The following PTPRQ variants were observed in gnomAD, a reference collection of about 807,000 sequenced individuals.
PTPRQ encodes protein tyrosine phosphatase receptor type Q.
A neutral mutation model predicts 246.0 loss-of-function variants in PTPRQ; 199 were observed. That is an observed-to-expected ratio of 0.81 (90% CI 0.72 to 0.91). The LOEUF (loss-of-function observed/expected upper bound fraction) is 0.91, where lower values mean the gene tolerates loss of function less well. Among genes scored for constraint, PTPRQ ranks in the 40% least tolerant of loss-of-function variants. PTPRQ has a pLI of 0.00. For synonymous variants in PTPRQ, 869 were observed against 853.2 expected, an observed-to-expected ratio of 1.02 and a Z score of -0.32; for missense variants, 2,624 against 2,528.4, an observed-to-expected ratio of 1.04 and a Z score of -0.81.
intron 17 of PTPRQ, among the ~76,000 whole-genome samples, chr12:80,527,923 A>G (rs889093641): frequency 6.6e-6 from 1 of 152,114 alleles, no homozygotes; most frequent in Non-Finnish European, 1.5e-5. Flanking sequence ...GTGAGACCCC[A>G]TCTCTAGAAA....
intron 17 of PTPRQ, among the ~76,000 whole-genome samples, chr12:80,514,317 G>C (rs1055362355): frequency 2.7e-5 from 4 of 147,498 alleles, no homozygotes; most frequent in Non-Finnish European, 5.9e-5. Flanking sequence ...ATTGACTCTT[G>C]ATGTGTAAAT....
At chr12:80,623,850 G>A (rs1247837291) in intron 33 of PTPRQ, among the ~76,000 whole-genome samples, 2 of 152,054 alleles carry the variant, frequency 1.3e-5, no homozygotes, top group Admixed American at 6.6e-5. Flanking sequence ...ATAAAAGGGG[G>A]GGAGCGCCAA....
At chr12:80,665,889 T>C (rs912078771) in intron 39 of PTPRQ, among the ~76,000 whole-genome samples, 2 of 151,818 alleles carry the variant, frequency 1.3e-5, no homozygotes, top group Non-Finnish European at 2.9e-5. Context: ...AAAACCACAA[T>C]GAAACACCAT....
chr12:80,459,028 T>A (rs1005219499), intron 4 of PTPRQ, among the ~76,000 whole-genome samples: 1 of 152,132 alleles, frequency 6.6e-6, no homozygotes, highest in South Asian at 2.1e-4. Flanking sequence ...AACTATTGAT[T>A]GAATTTTTTT....
intron 7 of PTPRQ, among the ~76,000 whole-genome samples, chr12:80,471,366 C>G (rs895798270): frequency 2.3e-4 from 35 of 149,864 alleles, no homozygotes; most frequent in Non-Finnish European, 1.6e-4. Context: ...AAAGCAAAGT[C>G]GAAGATTTAA....
At chr12:80,497,075 T>A (rs1894652095) in intron 14 of PTPRQ, among the ~76,000 whole-genome samples, 1 of 151,818 alleles carries the variant, frequency 6.6e-6, no homozygotes, top group South Asian at 2.1e-4. Flanking sequence ...GGAAGACAAT[T>A]TTTCCCCTCC....
intron 33 of PTPRQ, among the ~76,000 whole-genome samples, chr12:80,631,914 A>G (rs1899451042): frequency 6.6e-6 from 1 of 152,196 alleles, no homozygotes; most frequent in Non-Finnish European, 1.5e-5. Context: ...TCTGGTGGAT[A>G]AAAACTAAGT....
chr12:80,542,646 A>G (rs998831981), intron 22 of PTPRQ, 84 bp from the exon 23 acceptor site: 3 of 1,356,156 alleles, frequency 2.2e-6, no homozygotes, highest in African/African-American at 3.0e-5. Flanking sequence ...TTTTTAAACT[A>G]GTGTCTTCAA....
chr12:80,674,428 T>C (rs1486620767), intron 43 of PTPRQ, among the ~76,000 whole-genome samples: 3 of 152,156 alleles, frequency 2.0e-5, no homozygotes, highest in Non-Finnish European at 1.5e-5. Flanking sequence ...TTCCTAAACT[T>C]CGATGACTGG....
chr12:80,514,925 T>C (rs2058046505), intron 17 of PTPRQ, among the ~76,000 whole-genome samples: 1 of 148,224 alleles, frequency 6.7e-6, no homozygotes, highest in Non-Finnish European at 1.5e-5. Flanking sequence ...GAATATTATC[T>C]ATAATATATA....
chr12:80,512,760 A>G (rs1436788674), intron 17 of PTPRQ: 1 of 152,204 alleles, frequency 6.6e-6, no homozygotes, highest in African/African-American at 2.4e-5. Context: ...TTCAAAGTTT[A>G]ACTCTTCAAT....
At chr12:80,607,272 T>C (rs1898359463) in intron 27 of PTPRQ, among the ~76,000 whole-genome samples, 1 of 150,910 alleles carries the variant, frequency 6.6e-6, no homozygotes, top group African/African-American at 2.4e-5. Flanking sequence ...CAACAATGGT[T>C]TGACAGGAGA....
chr12:80,453,112 C>A (rs940882185), intron 3 of PTPRQ, among the ~76,000 whole-genome samples: 3 of 152,092 alleles, frequency 2.0e-5, no homozygotes, highest in East Asian at 1.9e-4. Context: ...TCATTTCATT[C>A]ATTTCATCTT....
At chr12:80,471,613 G>A (rs1320627152) in intron 7 of PTPRQ, among the ~76,000 whole-genome samples, 1 of 98,204 alleles carries the variant, frequency 1.0e-5, no homozygotes, top group East Asian at 2.7e-4. Context: ...AAGTAGCTGG[G>A]ACTACAGGCG....
chr12:80,475,750 G>A (rs1433558368), intron 8 of PTPRQ, among the ~76,000 whole-genome samples: 2 of 151,950 alleles, frequency 1.3e-5, no homozygotes, highest in African/African-American at 4.8e-5. Context: ...TACCTGGATT[G>A]TAATTTTTGG....
At chr12:80,591,210 C>T (rs1394242212) in intron 26 of PTPRQ, among the ~76,000 whole-genome samples, 2 of 148,444 alleles carry the variant, frequency 1.3e-5, no homozygotes, top group African/African-American at 5.0e-5. Context: ...ACTGCAGCCT[C>T]GACCTCCTGG....
At chr12:80,505,108 C>G (rs193194523) in intron 14 of PTPRQ, among the ~76,000 whole-genome samples, 1 of 151,750 alleles carries the variant, frequency 6.6e-6, no homozygotes, top group Non-Finnish European at 1.5e-5. Flanking sequence ...TCAGCGGGCC[C>G]CAGGGTTTTA....
At chr12:80,635,506 A>C in intron 35 of PTPRQ, among the ~76,000 whole-genome samples, 1 of 152,184 alleles carries the variant, frequency 6.6e-6, no homozygotes, top group Middle Eastern at 3.4e-3. Context: ...TAACTATTTC[A>C]GTATAAAAGT....
intron 14 of PTPRQ, among the ~76,000 whole-genome samples, chr12:80,499,612 G>GT (rs1894735285): frequency 6.6e-6 from 1 of 151,984 alleles, no homozygotes; most frequent in African/African-American, 2.4e-5. Flanking sequence ...ATTGAGTGAT[G>GT]TGTTAACTCA....
Sources: allele counts gnomAD v4.1 joint callset (sites outside exome capture counted in the v4.1 genomes callset), GRCh38; gene constraint gnomAD v4.1.1; transcripts MANE v1.5; gene names NCBI Gene and HGNC (gene_info 2026-07-23, HGNC 2026-07-21).